Variants in SUPT4H1 observed in about 807,000 individuals in gnomAD.
SUPT4H1 encodes SPT4 homolog, DSIF elongation factor subunit.
In SUPT4H1, 12 loss-of-function variants were observed where a neutral mutation model predicts 19.4. The ratio of observed to expected loss-of-function variants is 0.62; its 90% CI spans 0.40 to 1.00. SUPT4H1 has a LOEUF of 1.00. Ranked by LOEUF, SUPT4H1 falls within the 50% of genes least tolerant of loss-of-function variation. SUPT4H1 has a pLI of 0.00. For missense variants in SUPT4H1, 115 were observed against 149.2 expected, an observed-to-expected ratio of 0.77 and a Z score of 1.19; for synonymous variants, 58 against 56.3, an observed-to-expected ratio of 1.03 and a Z score of -0.14.
At chr17:58,346,353 A>T in intron 4 of SUPT4H1, 40 bp from the exon 5 acceptor site, 1 of 1,587,836 alleles carries the variant, frequency 6.3e-7, no homozygotes. Flanking sequence ...GGTAAGATTC[A>T]GAAGGGTAAG....
intron 3 of SUPT4H1, 23 bp downstream of exon 3, chr17:58,347,506 A>G: frequency 1.2e-6 from 2 of 1,614,110 alleles, no homozygotes; most frequent in Non-Finnish European, 1.7e-6. Flanking sequence ...AACTAAGCCA[A>G]AAGGAGACAG....
Position 58,346,162 on chromosome 17 carries a change from G to C in SUPT4H1, c.*84C>G, listed in dbSNP as rs2143288161. On this transcript the variant is annotated 3_prime_UTR_variant, in exon 5 of 5. Coordinates refer to ENST00000225504, the MANE Select transcript of SUPT4H1 (RefSeq NM_003168.3). ...CTGAATTGGAGGGTAGGAAGTATTT[G>C]AAGTTCTGTTCATTTAGTTCCAGAA... is the stretch of plus-strand genomic sequence containing the variant. 1 of 1,103,924 alleles carries C rather than the reference G, an allele frequency of 9.1e-7. No individual in the cohort carries two copies. The highest frequency in any genetic ancestry group is 1.4e-6 in the Non-Finnish European group (1 of 719,948). The allele number at this position is 1,103,924 out of a possible 1,614,324, so 68.4% of individuals were successfully genotyped here.
chr17:58,347,439 A>G, intron 3 of SUPT4H1, 90 bp downstream of exon 3: 1 of 1,501,148 alleles, frequency 6.7e-7, no homozygotes, highest in Non-Finnish European at 9.3e-7. Flanking sequence ...CCCTGAGGTC[A>G]CTCATCTTGC....
intron 1 of SUPT4H1, 58 bp from the exon 2 acceptor site, chr17:58,351,566 A>C (rs774545118): frequency 1.6e-6 from 2 of 1,234,616 alleles, no homozygotes; most frequent in Non-Finnish European, 2.4e-6. Flanking sequence ...AGACCAAGAG[A>C]AAAAGTAGCT....
At chr17:58,351,772 C>T (rs1972533674) in intron 1 of SUPT4H1, 1 of 573,302 alleles carries the variant, frequency 1.7e-6, no homozygotes. Context: ...ACTACTCACT[C>T]AGCAGCGGAT....
In SUPT4H1 at chr17:58,345,474, A is replaced by C. The variant is rs1350424189; in HGVS notation, c.*772T>G. Reference sequence around the variant, plus strand: ...AAAAGGACCTACCTCCTACAGGGGCACAAACAAGGGAGACTAGGACTCAAT... The same window carrying C: ...AAAAGGACCTACCTCCTACAGGGGCCCAAACAAGGGAGACTAGGACTCAAT... On this transcript the variant is annotated 3_prime_UTR_variant, in exon 5 of 5. Transcript: ENST00000225504. 3 of 152,060 alleles carry C rather than the reference A, an allele frequency of 2.0e-5. No homozygotes were observed. The highest frequency in any genetic ancestry group is 2.1e-4 in the South Asian group (1 of 4,832). 9.4% of individuals were successfully genotyped at this position (152,060 alleles called of 1,614,324 possible).
chr17:58,352,182 T>G lies in SUPT4H1; in HGVS notation c.-47A>C. The G allele has an allele frequency of 6.3e-7, 1 of 1,587,750 alleles. No homozygotes were observed. Among genetic ancestry groups the G allele is most frequent in the Non-Finnish European group, 8.6e-7 (1 of 1,156,708 alleles). On this transcript the variant is annotated 5_prime_UTR_variant, in exon 1 of 5. Coordinates refer to ENST00000225504, the MANE Select transcript of SUPT4H1 (RefSeq NM_003168.3). Reference sequence around the variant, plus strand: ...CAGGGAGATAGACGACCACAGCCTGTGCACCCGCAGGAAGTAAATAGCTCG... The same window carrying G: ...CAGGGAGATAGACGACCACAGCCTGGGCACCCGCAGGAAGTAAATAGCTCG...
At position 58,346,140 on chromosome 17, in the gene SUPT4H1, A is replaced by T; in HGVS notation, c.*106T>A. The T allele has an allele frequency of 1.1e-6, 1 of 884,236 alleles. No individual in the cohort carries two copies. Among genetic ancestry groups the T allele is most frequent in the Non-Finnish European group, 1.9e-6 (1 of 532,194 alleles). 54.8% of individuals were successfully genotyped at this position (884,236 alleles called of 1,614,324 possible). On this transcript the variant is annotated 3_prime_UTR_variant, in exon 5 of 5. Coordinates refer to ENST00000225504, the MANE Select transcript of SUPT4H1 (RefSeq NM_003168.3). ...CTCTCTCAACAGTCAGCTGAGTCTG[A>T]ATTGGAGGGTAGGAAGTATTTGAAG...
rs1203354638 is a variant in SUPT4H1, at chr17:58,345,655, A to C, written c.*591T>G. 6.6e-6 allele frequency: 1 copy of C among 152,450 alleles called. No homozygotes were observed. Among genetic ancestry groups the C allele is most frequent in the Non-Finnish European group, 1.5e-5 (1 of 68,290 alleles). The allele number at this position is 152,450 out of a possible 1,614,324, so 9.4% of individuals were successfully genotyped here. On this transcript the variant is annotated 3_prime_UTR_variant, in exon 5 of 5. Coordinates refer to ENST00000225504, the MANE Select transcript of SUPT4H1 (RefSeq NM_003168.3). ...CAAAGCCTCAGGATTTCTTCAAGGG[A>C]TACTGCTGTGCCAGGTCTCGAGGGC...
Position 58,347,176 on chromosome 17 carries a change from G to C in SUPT4H1, c.286+12C>G. The C allele has an allele frequency of 1.9e-6, 3 of 1,613,264 alleles. No individual in the cohort carries two copies. The highest frequency in any genetic ancestry group is 2.5e-6 in the Non-Finnish European group (3 of 1,179,274). ...ACAGTAAATGAACATTGGCTGTTAT[G>C]ATTATTATTACCTTGGGGCAGGCGA... is the stretch of plus-strand genomic sequence containing the variant. On this transcript the variant is annotated intron_variant, in intron 4 of 4. Coordinates refer to ENST00000225504, the MANE Select transcript of SUPT4H1 (RefSeq NM_003168.3).
intron 4 of SUPT4H1, 81 bp from the exon 5 acceptor site, chr17:58,346,394 G>C: frequency 8.6e-7 from 1 of 1,162,866 alleles, no homozygotes; most frequent in South Asian, 1.2e-5. Context: ...CTTGAGGGGG[G>C]TACTATAAGC....
chr17:58,350,459 C>T (rs1374540385), intron 2 of SUPT4H1, among the ~76,000 whole-genome samples: 1 of 151,466 alleles, frequency 6.6e-6, no homozygotes, highest in Non-Finnish European at 1.5e-5. Context: ...TGCAGTGAGC[C>T]GAGATTGCGC....
intron 4 of SUPT4H1, 59 bp downstream of exon 4, chr17:58,347,129 A>T (rs1254004093): frequency 1.3e-6 from 2 of 1,536,966 alleles, no homozygotes; most frequent in Non-Finnish European, 1.8e-6. Context: ...TAATTCAGAT[A>T]AAAAAACTTC....
intron 2 of SUPT4H1, among the ~76,000 whole-genome samples, chr17:58,350,416 G>T (rs781732146): frequency 3.3e-5 from 5 of 151,884 alleles, no homozygotes; most frequent in African/African-American, 7.3e-5. Context: ...GGAGGCTGAG[G>T]CAGAGAACTG....
intron 4 of SUPT4H1, 96 bp from the exon 5 acceptor site, chr17:58,346,409 T>C (rs554829680): frequency 1.0e-6 from 1 of 987,420 alleles, no homozygotes. Flanking sequence ...ATAAGCAAAC[T>C]GGAGTTCCTA....
chr17:58,346,718 CAAAAAAAAAAA>C (rs33965188), intron 4 of SUPT4H1, among the ~76,000 whole-genome samples: 1 of 72,214 alleles, frequency 1.4e-5, no homozygotes. Context: ...GACTCTGTCT[CAAAAAAAAAAA>C]AAAAAAAAAA....
intron 4 of SUPT4H1, among the ~76,000 whole-genome samples, chr17:58,346,745 T>G (rs1972305428): frequency 7.0e-6 from 1 of 143,460 alleles, no homozygotes; most frequent in Admixed American, 7.0e-5. Context: ...AAAAAGGTCC[T>G]GCTTAGTTGA....
chr17:58,349,419 T>G (rs557827329), intron 2 of SUPT4H1, among the ~76,000 whole-genome samples: 1 of 152,244 alleles, frequency 6.6e-6, no homozygotes, highest in Non-Finnish European at 1.5e-5. Flanking sequence ...CTGAGCACAT[T>G]TGAAGTAGGC....
rs1278040945 is a variant in SUPT4H1 at position 58,352,163 on chromosome 17, G to A, written c.-28C>T. On this transcript the variant is annotated 5_prime_UTR_variant, in exon 1 of 5. Coordinates refer to ENST00000225504, the MANE Select transcript of SUPT4H1 (RefSeq NM_003168.3). The stretch of plus-strand genomic sequence containing the variant: ...TCGCCGATGGGAAGAACAACAGGGA[G>A]ATAGACGACCACAGCCTGTGCACCC... 1.2e-6 allele frequency: 2 copies of A among 1,611,820 alleles called. No homozygotes were observed. Among genetic ancestry groups the A allele is most frequent in the African/African-American group, 1.3e-5 (1 of 75,012 alleles).
Sources: gnomAD v4.1 joint callset for allele counts (sites outside exome capture counted in the v4.1 genomes callset) on GRCh38, gnomAD v4.1.1 for gene constraint, MANE v1.5 for transcripts, NCBI Gene and HGNC (gene_info 2026-07-23, HGNC 2026-07-21) for gene names.